CENPW: variants seen among roughly 807,000 people sequenced by gnomAD.
CENPW encodes the protein centromere protein W.
A neutral mutation model predicts 11.1 loss-of-function variants in CENPW; 3 were observed. The observed-to-expected ratio is 0.27, with a 90% CI of 0.12 to 0.70. The LOEUF (loss-of-function observed/expected upper bound fraction) is 0.70, where lower values mean the gene tolerates loss of function less well. Ranked by LOEUF, CENPW falls within the 30% of genes least tolerant of loss-of-function variation. CENPW has a pLI of 0.77. For missense variants in CENPW, 100 were observed against 105.6 expected (o/e 0.95, Z 0.23); for synonymous variants, 38 against 42.0 (o/e 0.91, Z 0.37).
the CENPW span, among the ~76,000 whole-genome samples, chr6:126,473,132 C>T: frequency 6.6e-6 from 1 of 152,080 alleles, no homozygotes; most frequent in Non-Finnish European, 1.5e-5. Flanking sequence ...TATGGTTAAG[C>T]CAAAGTTTGC....
At chr6:126,340,591 A>G in intron 1 of CENPW, 192 bp downstream of exon 1, 1 of 751,776 alleles carries the variant, frequency 1.3e-6, no homozygotes, top group Non-Finnish European at 2.1e-6. Context: ...GCTCAGTTGT[A>G]CCGGGCCGCG....
the CENPW span, among the ~76,000 whole-genome samples, chr6:126,447,329 A>G: frequency 6.6e-6 from 1 of 151,244 alleles, no homozygotes; most frequent in African/African-American, 2.4e-5. Flanking sequence ...TTTAGTGGTC[A>G]GGAGAGAATT....
chr6:126,411,534 T>C, the CENPW span, among the ~76,000 whole-genome samples: 2 of 152,166 alleles, frequency 1.3e-5, no homozygotes, highest in Admixed American at 6.5e-5. Flanking sequence ...ATGGGCCTTA[T>C]CGTGCAAGTT....
chr6:126,368,319 G>C, the CENPW span, among the ~76,000 whole-genome samples: 3 of 152,266 alleles, frequency 2.0e-5, no homozygotes, highest in East Asian at 3.9e-4. Context: ...TGGAGAGAGT[G>C]AGGTTTGTTT....
At chr6:126,340,420 G>A (rs781329059) in intron 1 of CENPW, 21 bp downstream of exon 1, 3 of 1,614,116 alleles carry the variant, frequency 1.9e-6, no homozygotes, top group Non-Finnish European at 1.7e-6. Context: ...ATCCCTTCTC[G>A]GGCTGGGAAT....
At chr6:126,445,231 C>T in the CENPW span, among the ~76,000 whole-genome samples, 1 of 151,122 alleles carries the variant, frequency 6.6e-6, no homozygotes, top group African/African-American at 2.4e-5. Context: ...TCTGCTTTCT[C>T]CCATACAGGG....
the CENPW span, among the ~76,000 whole-genome samples, chr6:126,406,467 A>G: frequency 1.3e-5 from 2 of 152,120 alleles, no homozygotes; most frequent in East Asian, 1.9e-4. Context: ...TTACTATCAG[A>G]GTAATGCTTG....
At chr6:126,384,815 A>G in the CENPW span, among the ~76,000 whole-genome samples, 2 of 152,166 alleles carry the variant, frequency 1.3e-5, no homozygotes, top group Non-Finnish European at 2.9e-5. Context: ...AGAAACTATC[A>G]ATAGAGTAAA....
chr6:126,373,584 T>C, the CENPW span, among the ~76,000 whole-genome samples: 1 of 152,216 alleles, frequency 6.6e-6, no homozygotes, highest in East Asian at 1.9e-4. Flanking sequence ...TCTCATACTC[T>C]TGCAATCAAA....
At chr6:126,379,352 T>C in the CENPW span, among the ~76,000 whole-genome samples, 1 of 152,192 alleles carries the variant, frequency 6.6e-6, no homozygotes. Context: ...TTAATATATA[T>C]AAGGCATTCC....
chr6:126,340,402 G>C lies in CENPW; in HGVS notation c.126+3G>C. ...TGGAGAAAAGTGGTGACTTATTGGTGAGATTCCATCCCTTCTCGGGCTGGG... is the reference window on the plus strand; with the variant it reads ...TGGAGAAAAGTGGTGACTTATTGGTCAGATTCCATCCCTTCTCGGGCTGGG... On this transcript the variant is annotated splice_donor_region_variant and intron_variant, in intron 1 of 2. Transcript: ENST00000368328. The C allele has an allele frequency of 6.2e-7, 1 of 1,614,186 alleles. No individual in the cohort carries two copies.
the CENPW span, among the ~76,000 whole-genome samples, chr6:126,402,822 T>G: frequency 6.6e-6 from 1 of 152,086 alleles, no homozygotes; most frequent in African/African-American, 2.4e-5. Flanking sequence ...TGAATATTCA[T>G]GTACAAAGCA....
At chr6:126,429,701 A>G in the CENPW span, among the ~76,000 whole-genome samples, 1 of 152,202 alleles carries the variant, frequency 6.6e-6, no homozygotes, top group Non-Finnish European at 1.5e-5. Context: ...ATGGCCTAAT[A>G]CAATTTGCAT....
the CENPW span, among the ~76,000 whole-genome samples, chr6:126,448,123 C>T: frequency 1.3e-5 from 2 of 151,264 alleles, no homozygotes; most frequent in Non-Finnish European, 3.0e-5. Context: ...AGTGCTACCC[C>T]AGGTGTCATC....
At chr6:126,464,841 C>T in the CENPW span, among the ~76,000 whole-genome samples, 3 of 152,120 alleles carry the variant, frequency 2.0e-5, no homozygotes, top group Admixed American at 6.6e-5. Flanking sequence ...GCATAGGTCC[C>T]ATTAGTTCTA....
At chr6:126,406,808 C>T in the CENPW span, among the ~76,000 whole-genome samples, 1 of 151,588 alleles carries the variant, frequency 6.6e-6, no homozygotes, top group Non-Finnish European at 1.5e-5. Flanking sequence ...GCCAAGATTG[C>T]ACCACTGCAC....
At chr6:126,360,718 A>G in the CENPW span, among the ~76,000 whole-genome samples, 1 of 151,554 alleles carries the variant, frequency 6.6e-6, no homozygotes, top group African/African-American at 2.4e-5. Flanking sequence ...TTCTGCTGCT[A>G]CTACTTTCTA....
chr6:126,354,785 C>T, the CENPW span, among the ~76,000 whole-genome samples: 1 of 152,166 alleles, frequency 6.6e-6, no homozygotes, highest in East Asian at 1.9e-4. Context: ...TAAATGGTTT[C>T]TGTATATTAT....
chr6:126,404,855 T>G, the CENPW span, among the ~76,000 whole-genome samples: 5 of 41,622 alleles, frequency 1.2e-4, no homozygotes, highest in South Asian at 2.0e-3. Context: ...AGTATTTGGG[T>G]TTTTTTTTTT....
Sources: allele counts gnomAD v4.1 joint callset (sites outside exome capture counted in the v4.1 genomes callset), GRCh38; gene constraint gnomAD v4.1.1; transcripts MANE v1.5; gene names NCBI Gene and HGNC (gene_info 2026-07-23, HGNC 2026-07-21).